Variants in MS4A6A observed in about 807,000 individuals in gnomAD.
MS4A6A encodes membrane spanning 4-domains A6A.
A neutral mutation model predicts 20.6 loss-of-function variants in MS4A6A; 19 were observed. The observed-to-expected ratio is 0.92, with a 90% CI of 0.64 to 1.36. MS4A6A has a LOEUF of 1.36. MS4A6A is among the 40% of genes most tolerant of loss of function. The probability of loss-of-function intolerance (pLI) is 0.00; values close to 1 mark genes in which losing one functional copy is unlikely to be tolerated. For missense variants in MS4A6A, 272 were observed against 261.1 expected, an observed-to-expected ratio of 1.04 and a Z score of -0.29; for synonymous variants, 108 against 105.0, an observed-to-expected ratio of 1.03 and a Z score of -0.17.
chr11:60,179,733 C>T (rs760549619), intron 3 of MS4A6A, 98 bp downstream of exon 3: 1 of 1,401,870 alleles, frequency 7.1e-7, no homozygotes. Flanking sequence ...TTGCTCCTGG[C>T]AGATCAAACA....
At chr11:60,179,353 T>G (rs1857006670) in intron 3 of MS4A6A, 1 of 280,358 alleles carries the variant, frequency 3.6e-6, no homozygotes, top group Non-Finnish European at 6.7e-6. Flanking sequence ...CAGCCTTACC[T>G]GGGAATCAGT....
chr11:60,172,060 T>G, downstream of MS4A6A: 1 of 1,200,138 alleles, frequency 8.3e-7, no homozygotes, highest in Non-Finnish European at 1.2e-6. Flanking sequence ...CTTTAAAAGC[T>G]TACATTTAGG....
chr11:60,178,948 A>G (rs1204850678), intron 3 of MS4A6A: 4 of 334,946 alleles, frequency 1.2e-5, no homozygotes, highest in Admixed American at 8.6e-5. Context: ...TAGACAGCCT[A>G]GAGGACCCTG....
upstream of MS4A6A, chr11:60,183,430 A>G (rs2083839512): frequency 8.4e-6 from 4 of 477,460 alleles, no homozygotes; most frequent in Admixed American, 1.5e-4. Context: ...TTTCAATAAC[A>G]TGTAACTAAT....
chr11:60,172,251 A>G (rs1565095732), downstream of MS4A6A: 2 of 1,612,882 alleles, frequency 1.2e-6, no homozygotes, highest in Non-Finnish European at 1.7e-6. Context: ...GGAAAAGTAC[A>G]CTCTAGAAGA....
downstream of MS4A6A, chr11:60,172,034 T>G (rs1329580505): frequency 3.3e-6 from 3 of 919,704 alleles, no homozygotes; most frequent in Non-Finnish European, 4.8e-6. Context: ...ATAATGGTTT[T>G]TTTTAATGTT....
At chr11:60,179,737 T>A in intron 3 of MS4A6A, 94 bp downstream of exon 3, 1 of 1,456,946 alleles carries the variant, frequency 6.9e-7, no homozygotes, top group South Asian at 1.1e-5. Flanking sequence ...TCCTGGCAGA[T>A]CAAACATAGC....
downstream of MS4A6A, among the ~76,000 whole-genome samples, chr11:60,171,683 G>A (rs946209015): frequency 6.6e-6 from 1 of 152,164 alleles, no homozygotes; most frequent in Non-Finnish European, 1.5e-5. Context: ...TTGCCTTTAT[G>A]CACTAATGAG....
intron 2 of MS4A6A, chr11:60,180,901 C>G (rs17602572): frequency 0.36 from 144,162 of 395,314 alleles, 28,399 homozygotes; most frequent in South Asian, 0.49. Context: ...CTCATAGAAA[C>G]CCATGTGATT....
chr11:60,183,280 A>G (rs1259190690), upstream of MS4A6A: 2 of 1,107,094 alleles, frequency 1.8e-6, no homozygotes, highest in Non-Finnish European at 2.6e-6. Flanking sequence ...TTCGAGACAT[A>G]CAAGTTTCCT....
chr11:60,179,991 G>A (rs948002699), intron 2 of MS4A6A, 26 bp from the exon 3 acceptor site: 2 of 1,607,356 alleles, frequency 1.2e-6, no homozygotes, highest in South Asian at 2.2e-5. Flanking sequence ...GTGAGATTGA[G>A]GATGAAAACC....
chr11:60,180,913 T>C (rs1413023517), intron 2 of MS4A6A: 1 of 411,936 alleles, frequency 2.4e-6, no homozygotes. Context: ...CATGTGATTG[T>C]ACATGAGGCA....
At chr11:60,175,813 G>A (rs959860574) in intron 4 of MS4A6A, among the ~76,000 whole-genome samples, 4 of 152,098 alleles carry the variant, frequency 2.6e-5, no homozygotes, top group Non-Finnish European at 5.9e-5. Flanking sequence ...ATGACTATAC[G>A]AACTGGTTCA....
At chr11:60,174,858 A>G (rs181223982) in intron 5 of MS4A6A, among the ~76,000 whole-genome samples, 12 of 151,270 alleles carry the variant, frequency 7.9e-5, no homozygotes, top group African/African-American at 2.7e-4. Flanking sequence ...AAAAAGCAAC[A>G]ATAATGTTGC....
chr11:60,183,280 A>T (rs1259190690), upstream of MS4A6A: 5 of 1,106,976 alleles, frequency 4.5e-6, no homozygotes, highest in Non-Finnish European at 6.5e-6. Flanking sequence ...TTCGAGACAT[A>T]CAAGTTTCCT....
chr11:60,175,657 A>G, intron 4 of MS4A6A, 46 bp from the exon 5 acceptor site: 1 of 1,577,682 alleles, frequency 6.3e-7, no homozygotes. Context: ...TGACTCATGA[A>G]TCTGTTATGC....
chr11:60,172,169 A>G (rs767649160), downstream of MS4A6A: 2 of 1,612,550 alleles, frequency 1.2e-6, no homozygotes, highest in Non-Finnish European at 8.5e-7. Flanking sequence ...TAAGAAGTCA[A>G]TAGTTCTTCA....
At chr11:60,178,337 G>A (rs1386245226) in intron 3 of MS4A6A, 21 bp from the exon 4 acceptor site, 3 of 1,609,066 alleles carry the variant, frequency 1.9e-6, no homozygotes, top group Non-Finnish European at 2.6e-6. Flanking sequence ...AGAGAAAATG[G>A]TCAGGTCAGA....
At position 60,172,718 on chromosome 11, in the gene MS4A6A, A is replaced by T; in HGVS notation, c.*283T>A. 8.1e-7 allele frequency: 1 copy of T among 1,227,608 alleles called. No individual in the cohort carries two copies. Among genetic ancestry groups the T allele is most frequent in the East Asian group, 4.5e-5 (1 of 22,050 alleles). 76.0% of individuals were successfully genotyped at this position (1,227,608 alleles called of 1,614,324 possible). On this transcript the variant is annotated 3_prime_UTR_variant, in exon 6 of 6. Coordinates refer to ENST00000528851, the MANE Select transcript of MS4A6A (RefSeq NM_022349.4). The stretch of plus-strand genomic sequence containing the variant: ...TCTAGTGTCCTCAGCAAAGGCACAA[A>T]CTCATAGCATAATGCCAGGCCAGTC...
Sources: allele counts gnomAD v4.1 joint callset (sites outside exome capture counted in the v4.1 genomes callset), GRCh38; gene constraint gnomAD v4.1.1; transcripts MANE v1.5; gene names NCBI Gene and HGNC (gene_info 2026-07-23, HGNC 2026-07-21).